Variants in PXDC1 observed in about 807,000 individuals in gnomAD.
PXDC1 encodes the protein PX domain containing 1, also known as PX domain-containing protein 1.
In PXDC1, 13 loss-of-function variants were observed where a neutral mutation model predicts 24.4. That is an observed-to-expected ratio of 0.53 (90% confidence interval 0.35 to 0.85). PXDC1 has a LOEUF of 0.85. Among genes scored for constraint, PXDC1 ranks in the 40% least tolerant of loss-of-function variants. PXDC1 has a pLI of 0.01. For missense variants in PXDC1, 344 were observed against 309.3 expected (o/e 1.11, Z -0.84); for synonymous variants, 162 against 124.9 (o/e 1.30, Z -1.98).
Position 3,737,778 on chromosome 6 carries a change from G to C in PXDC1, c.348+279C>G. ...GGCCTCCTGCAGCCAGAGGGGATCC[G>C]CACCCTTCCACCCATGCCTCCTTGC... On this transcript the variant is annotated intron_variant, in intron 2 of 4. Coordinates refer to ENST00000380283, the MANE Select transcript of PXDC1 (RefSeq NM_183373.4). The surrounding 1 kb of genome is among the most constrained non-coding windows in gnomAD (Gnocchi z 5.5). 1.3e-5 allele frequency: 9 copies of C among 710,234 alleles called. No individual in the cohort carries two copies. The highest frequency in any genetic ancestry group is 1.6e-5 in the Non-Finnish European group (9 of 578,390). 44.0% of individuals were successfully genotyped at this position (710,234 alleles called of 1,614,324 possible). A position where few individuals can be genotyped will look rare whatever the true frequency, so the allele number is the denominator to read the frequency against.
chr6:3,731,822 C>T (rs183867522), intron 3 of PXDC1, among the ~76,000 whole-genome samples: 1 of 152,102 alleles, frequency 6.6e-6, no homozygotes, highest in African/African-American at 2.4e-5. Context: ...CAGAGTGATT[C>T]GATTGAGGTG....
intron 1 of PXDC1, among the ~76,000 whole-genome samples, chr6:3,748,982 CA>C (rs1181145214): frequency 1.3e-5 from 2 of 152,174 alleles, no homozygotes; most frequent in Admixed American, 1.3e-4. Flanking sequence ...AAATAAGGTG[CA>C]ATCTGCTTTT....
Position 3,751,569 on chromosome 6 carries a change from G to A in PXDC1, c.-38C>T, listed in dbSNP as rs1348781473. 2 of 1,473,808 alleles carry A rather than the reference G, an allele frequency of 1.4e-6. No individual in the cohort carries two copies. Among genetic ancestry groups the A allele is most frequent in the East Asian group, 2.7e-5 (1 of 36,550 alleles). 91.3% of individuals were successfully genotyped at this position (1,473,808 alleles called of 1,614,324 possible). ...CCCCCGCCAAGGGCTCCCCAGCCCC[G>A]CCGCCCGCCCGCCCGCAGGAGGCGC... On this transcript the variant is annotated 5_prime_UTR_variant, in exon 1 of 5. Coordinates refer to ENST00000380283, the MANE Select transcript of PXDC1 (RefSeq NM_183373.4).
intron 1 of PXDC1, among the ~76,000 whole-genome samples, chr6:3,746,209 G>C (rs997289283): frequency 1.3e-5 from 2 of 152,102 alleles, no homozygotes; most frequent in African/African-American, 2.4e-5. Context: ...CTCAGGTGTC[G>C]CCTGGGGCCC....
At chr6:3,745,812 C>G (rs533782552) in intron 1 of PXDC1, among the ~76,000 whole-genome samples, 11 of 152,342 alleles carry the variant, frequency 7.2e-5, no homozygotes, top group East Asian at 5.8e-4. Context: ...CTTCCCTCCC[C>G]CTCTGCACCC....
rs1324346915 is a variant in PXDC1 at position 3,725,789 on chromosome 6, T to C, written c.578+1762A>G. ...ATCGACTCCACTGCACTGCCCGAGA[T>C]TGAGGAGCCAGAGAAAGGCCCGGCA... On this transcript the variant is annotated intron_variant, in intron 4 of 4. Transcript: ENST00000380283. The surrounding 1 kb of genome is among the most constrained non-coding windows in gnomAD (Gnocchi z 4.8). Among the ~76,000 whole-genome samples, 1 of 152,168 alleles carries C rather than the reference T, an allele frequency of 6.6e-6. No homozygotes were observed. Among genetic ancestry groups the C allele is most frequent in the Non-Finnish European group, 1.5e-5 (1 of 68,014 alleles).
intron 3 of PXDC1, among the ~76,000 whole-genome samples, chr6:3,734,742 G>C (rs777047108): frequency 1.3e-5 from 2 of 152,002 alleles, no homozygotes; most frequent in African/African-American, 4.8e-5. Flanking sequence ...CAAATTCATC[G>C]CAATCCCCAT....
chr6:3,738,150 T>A lies in PXDC1; in HGVS notation c.257-2A>T, dbSNP rs1760370870. The A allele has an allele frequency of 6.2e-7, 1 of 1,611,598 alleles. No individual in the cohort carries two copies. On this transcript the variant is annotated splice_acceptor_variant, in intron 1 of 4. Coordinates refer to ENST00000380283, the MANE Select transcript of PXDC1 (RefSeq NM_183373.4). LOFTEE classifies it high-confidence loss of function. ...GGGCTTCCTTTATGGCAACCAGTCC[T>A]AGAATTGAGACAGAAATGCTCAAAG... is the stretch of plus-strand genomic sequence containing the variant.
intron 1 of PXDC1, 154 bp downstream of exon 1, chr6:3,751,118 GGGCA>G: frequency 1.7e-6 from 1 of 578,584 alleles, no homozygotes; most frequent in South Asian, 2.9e-5. Flanking sequence ...CCCGCCGCCC[GGGCA>G]CCCCTCGTCT....
At chr6:3,750,451 G>A (rs954540106) in intron 1 of PXDC1, among the ~76,000 whole-genome samples, 1 of 150,180 alleles carries the variant, frequency 6.7e-6, no homozygotes, top group South Asian at 2.1e-4. Flanking sequence ...CCCTCTCCTC[G>A]GCCTGCCCCC....
At chr6:3,742,353 A>C (rs935403622) in intron 1 of PXDC1, among the ~76,000 whole-genome samples, 1 of 152,246 alleles carries the variant, frequency 6.6e-6, no homozygotes, top group Non-Finnish European at 1.5e-5. Flanking sequence ...ACTTAAATAC[A>C]GTAATTTTAG....
chr6:3,750,213 G>A (rs1760670297), intron 1 of PXDC1, among the ~76,000 whole-genome samples: 1 of 152,252 alleles, frequency 6.6e-6, no homozygotes, highest in African/African-American at 2.4e-5. Flanking sequence ...CAAGAACGCA[G>A]CCAGATAGGA....
intron 1 of PXDC1, among the ~76,000 whole-genome samples, chr6:3,739,666 C>T (rs1760410507): frequency 6.6e-6 from 1 of 152,212 alleles, no homozygotes; most frequent in Non-Finnish European, 1.5e-5. Flanking sequence ...CCTCGGCCCA[C>T]CTCCCCACAC....
Position 3,723,357 on chromosome 6 carries a change from A to T in PXDC1, c.*262T>A. ...GTGCGCAGCCCTGTGGGCACCAAGC[A>T]GGGAGTGAAGACCCTCAGAACACAG... is the stretch of plus-strand genomic sequence containing the variant. On this transcript the variant is annotated 3_prime_UTR_variant, in exon 5 of 5. Coordinates refer to ENST00000380283, the MANE Select transcript of PXDC1 (RefSeq NM_183373.4). 1.9e-6 allele frequency: 1 copy of T among 513,406 alleles called. No homozygotes were observed. The allele number at this position is 513,406 out of a possible 1,614,324, so 31.8% of individuals were successfully genotyped here.
chr6:3,738,207 A>G (rs549951954), intron 1 of PXDC1, 59 bp from the exon 2 acceptor site: 6 of 1,290,020 alleles, frequency 4.7e-6, no homozygotes, highest in African/African-American at 2.9e-5. Flanking sequence ...CGCGCTCCCA[A>G]TGCAATACAC....
Position 3,737,985 on chromosome 6 carries a change from G to T in PXDC1, c.348+72C>A. On this transcript the variant is annotated intron_variant, in intron 2 of 4. Transcript: ENST00000380283. This position sits in a 1 kb window ranked among gnomAD's most constrained non-coding sequence, Gnocchi z 5.5. ...AGCAAGTCAACCCTCCGGGGGGATG[G>T]ACGCCTTTCGCATTTGGGAGGTGCC... is the stretch of plus-strand genomic sequence containing the variant. The T allele has an allele frequency of 8.0e-7, 1 of 1,243,376 alleles. No individual in the cohort carries two copies. The highest frequency in any genetic ancestry group is 1.2e-6 in the Non-Finnish European group (1 of 851,702). The allele number at this position is 1,243,376 out of a possible 1,614,324, so 77.0% of individuals were successfully genotyped here. A position where few individuals can be genotyped will look rare whatever the true frequency, so the allele number is the denominator to read the frequency against.
At chr6:3,750,222 G>A (rs1379053564) in intron 1 of PXDC1, among the ~76,000 whole-genome samples, 3 of 152,238 alleles carry the variant, frequency 2.0e-5, no homozygotes, top group Admixed American at 6.5e-5. Context: ...AGCCAGATAG[G>A]AGGCTGGGGA....
At chr6:3,729,594 T>C (rs971078313) in intron 3 of PXDC1, among the ~76,000 whole-genome samples, 12 of 152,224 alleles carry the variant, frequency 7.9e-5, no homozygotes, top group Admixed American at 7.8e-4. Context: ...CGAAAGAAGA[T>C]GCTTACCAAA....
intron 4 of PXDC1, 57 bp from the exon 5 acceptor site, chr6:3,723,793 C>T: frequency 7.3e-7 from 1 of 1,369,496 alleles, no homozygotes; most frequent in African/African-American, 1.4e-5. Flanking sequence ...CAACACCAAA[C>T]ACCCGCCGGG....
Sources: gnomAD v4.1 joint callset for allele counts (sites outside exome capture counted in the v4.1 genomes callset) on GRCh38, gnomAD v4.1.1 for gene constraint, Gnocchi (gnomAD v3.1) non-coding constraint, MANE v1.5 for transcripts, NCBI Gene and HGNC (gene_info 2026-07-23, HGNC 2026-07-21) for gene names.